Variants in ABCA7 observed in about 807,000 individuals in gnomAD.
ABCA7 encodes the protein ATP binding cassette subfamily A member 7.
In ABCA7, 261 loss-of-function variants were observed where a neutral mutation model predicts 227.6. The observed-to-expected ratio is 1.15, with a 90% CI of 1.04 to 1.27. ABCA7 has a LOEUF of 1.27. ABCA7 is among the 50% of genes most tolerant of loss of function. The probability of loss-of-function intolerance (pLI) is 0.00; values close to 1 mark genes in which losing one functional copy is unlikely to be tolerated. For synonymous variants in ABCA7, 1,488 were observed against 1,279.7 expected (o/e 1.16, Z -3.47); for missense variants, 3,331 against 2,924.5 (o/e 1.14, Z -3.21).
chr19:1,044,543 G>T, intron 10 of ABCA7, 34 bp from the exon 11 acceptor site: 1 of 1,595,624 alleles, frequency 6.3e-7, no homozygotes, highest in South Asian at 1.1e-5. Flanking sequence ...CACTGTGCCC[G>T]ACCCAGACTC....
At chr19:1,060,207 A>ATATATATATTTTTTTTTT in intron 40 of ABCA7, among the ~76,000 whole-genome samples, 2 of 96,770 alleles carry the variant, frequency 2.1e-5, no homozygotes, top group African/African-American at 7.0e-5. Flanking sequence ...ATATATATAT[A>ATATATATATTTTTTTTTT]TTTTTTTTTC....
intron 6 of ABCA7, 163 bp downstream of exon 6, chr19:1,042,560 T>A (rs768453311): frequency 2.9e-6 from 3 of 1,048,484 alleles, no homozygotes. Flanking sequence ...AGACAGAGTG[T>A]GTCTGACCCA....
rs1467297585 is a variant in ABCA7, at chr19:1,065,499, G to A, written c.*74G>A. ...CAAGGTAGAGTGCCTAGGAGCCCTGGACTCAGGCTGGCAGAGGGGCTGGTG... is the reference window on the plus strand; with the variant it reads ...CAAGGTAGAGTGCCTAGGAGCCCTGAACTCAGGCTGGCAGAGGGGCTGGTG... On this transcript the variant is annotated 3_prime_UTR_variant, in exon 47 of 47. Coordinates refer to ENST00000263094, the MANE Select transcript of ABCA7 (RefSeq NM_019112.4). 5.2e-6 allele frequency: 8 copies of A among 1,537,654 alleles called. No individual in the cohort carries two copies. Among genetic ancestry groups the A allele is most frequent in the Admixed American group, 1.9e-5 (1 of 53,334 alleles).
In ABCA7 at chr19:1,054,813, G is replaced by A; in HGVS notation, c.3885G>A (p.Arg1295=). 6.3e-7 allele frequency: 1 copy of A among 1,580,730 alleles called. No homozygotes were observed. Among genetic ancestry groups the A allele is most frequent in the Non-Finnish European group, 8.6e-7 (1 of 1,164,108 alleles). The stretch of plus-strand genomic sequence containing the variant: ...CCCCAGGGGACCCTGGACGTGCCCG[G>A]CTGCTCGAGGCGCTGCTGCAGGAGG... ...EDAPGDPGRA[R]LLEALLQEAG... The change falls in exon 29 of 47, where the codon CGG becomes CGA. Residue 1295 remains arginine (R), a synonymous_variant. Coordinates refer to ENST00000263094, the MANE Select transcript of ABCA7 (RefSeq NM_019112.4). This position sits in a 1 kb window ranked among gnomAD's most constrained non-coding sequence, Gnocchi z 4.8.
At chr19:1,044,162 G>C (rs1431646250) in intron 10 of ABCA7, among the ~76,000 whole-genome samples, 1 of 149,036 alleles carries the variant, frequency 6.7e-6, no homozygotes, top group Non-Finnish European at 1.5e-5. Flanking sequence ...GGATGGTCTC[G>C]ATCTCCTGAC....
chr19:1,045,408 G>T, intron 12 of ABCA7, 177 bp downstream of exon 12: 1 of 667,012 alleles, frequency 1.5e-6, no homozygotes, highest in Middle Eastern at 4.2e-4. Flanking sequence ...CCCGTGATGG[G>T]CGGGGCCTAG....
At chr19:1,050,864 CTG>C in intron 18 of ABCA7, 55 bp from the exon 19 acceptor site, 1 of 1,317,706 alleles carries the variant, frequency 7.6e-7, no homozygotes, top group Non-Finnish European at 9.8e-7. Flanking sequence ...AATAGAAGCT[CTG>C]TAACTGCCAG....
At position 1,047,525 on chromosome 19, in the gene ABCA7, G is replaced by A. The variant is rs201343897; in HGVS notation, c.2140G>A (p.Ala714Thr). The stretch of plus-strand genomic sequence containing the variant: ...TCTGCTGGAGGAGCAGGGCGAGGGC[G>A]CGCAGTGGCACAACGTGGGCACCCG... The part of the protein sequence containing the change: ...LALLEEQGEG[A>T]QWHNVGTRPT... The change falls in exon 16 of 47, where the codon GCG becomes ACG. Residue 714 changes from alanine (A) to threonine (T), a missense_variant. Transcript: ENST00000263094. The A allele has an allele frequency of 6.3e-5, 101 of 1,593,610 alleles. No homozygotes were observed. In the African/African-American group the frequency reaches 1.1e-3, roughly 18 times the overall value.
chr19:1,064,749 T>A, intron 45 of ABCA7, 182 bp from the exon 46 acceptor site: 1 of 964,674 alleles, frequency 1.0e-6, no homozygotes, highest in Non-Finnish European at 1.4e-6. Flanking sequence ...GACATGGTGG[T>A]GTGTGCCTGT....
At chr19:1,058,310 C>A in intron 37 of ABCA7, 41 bp downstream of exon 37, 10 of 1,609,024 alleles carry the variant, frequency 6.2e-6, no homozygotes, top group Non-Finnish European at 8.5e-6. Flanking sequence ...CTACAGATAG[C>A]TAGCACCCTT....
At position 1,054,777 on chromosome 19, in the gene ABCA7, C is replaced by T; in HGVS notation, c.3852-3C>T. ...CTGACCCTACATCTCCCCTCACACA[C>T]AGTGAGGACGCCCCAGGGGACCCTG... is the stretch of plus-strand genomic sequence containing the variant. On this transcript the variant is annotated splice_polypyrimidine_tract_variant and splice_region_variant and intron_variant, in intron 28 of 46. Transcript: ENST00000263094. This position sits in a 1 kb window ranked among gnomAD's most constrained non-coding sequence, Gnocchi z 4.8. 1.9e-6 allele frequency: 3 copies of T among 1,604,570 alleles called. No individual in the cohort carries two copies. Among genetic ancestry groups the T allele is most frequent in the Non-Finnish European group, 2.6e-6 (3 of 1,176,038 alleles).
rs749683431 is a variant in ABCA7, at chr19:1,043,241, C to T, written c.780C>T (p.Asp260=). Residue 260 remains aspartate (D), a synonymous_variant, in exon 8 of 47, where the codon GAC becomes GAT. Transcript: ENST00000263094. ...VGQEPESALP[D]SSLSPACSEL... ...AGGAGCCAGAATCCGCCCTGCCAGA[C>T]AGCAGCCTGAGTGAGTGACTGACCT... is the stretch of plus-strand genomic sequence containing the variant. 1 of 1,607,354 alleles carries T rather than the reference C, an allele frequency of 6.2e-7. No individual in the cohort carries two copies. The highest frequency in any genetic ancestry group is 8.5e-7 in the Non-Finnish European group (1 of 1,175,510).
Position 1,056,767 on chromosome 19 carries a change from C to T in ABCA7, c.4587-140C>T. ...CCTCTGCTGCCAAATCCCAGGCACC[C>T]TCATCCCTAAATTGCCCCTGCCATC... is the stretch of plus-strand genomic sequence containing the variant. On this transcript the variant is annotated intron_variant, in intron 33 of 46. Coordinates refer to ENST00000263094, the MANE Select transcript of ABCA7 (RefSeq NM_019112.4). This position sits in a 1 kb window ranked among gnomAD's most constrained non-coding sequence, Gnocchi z 4.3. The T allele has an allele frequency of 2.9e-6, 3 of 1,033,258 alleles. No homozygotes were observed. The highest frequency in any genetic ancestry group is 2.4e-5 in the East Asian group (1 of 41,886). The allele number at this position is 1,033,258 out of a possible 1,614,324, so 64.0% of individuals were successfully genotyped here.
chr19:1,044,510 G>A, intron 10 of ABCA7, 67 bp from the exon 11 acceptor site: 3 of 1,546,990 alleles, frequency 1.9e-6, no homozygotes, highest in Non-Finnish European at 2.6e-6. Context: ...GCCTCCCAAA[G>A]TGCTGGGATT....
At chr19:1,059,157 C>G (rs1175871667) in intron 40 of ABCA7, 72 bp downstream of exon 40, 47 of 1,529,550 alleles carry the variant, frequency 3.1e-5, no homozygotes, top group Non-Finnish European at 4.1e-5. Context: ...GCCCATCATC[C>G]TTTACTGAAC....
chr19:1,045,945 T>G (rs1599579780), intron 12 of ABCA7, among the ~76,000 whole-genome samples: 1 of 152,146 alleles, frequency 6.6e-6, no homozygotes, highest in Admixed American at 6.5e-5. Flanking sequence ...AGGCGGAGGT[T>G]GCAGTGAGCC....
intron 35 of ABCA7, among the ~76,000 whole-genome samples, chr19:1,057,710 G>T (rs971014839): frequency 6.6e-6 from 1 of 151,202 alleles, no homozygotes; most frequent in African/African-American, 2.4e-5. Flanking sequence ...TTTGAGACCA[G>T]CCTGGGAAAC....
Position 1,065,060 on chromosome 19 carries a change from G to C in ABCA7, c.6174G>C (p.Gln2058His). Reference sequence around the variant, plus strand: ...CACATGGAGGCCGCCTGCGCTTCCAGCTGCCGCCGGGAGGGCGCTGCGCCC... The same window carrying C: ...CACATGGAGGCCGCCTGCGCTTCCACCTGCCGCCGGGAGGGCGCTGCGCCC... ...REAHGGRLRF[Q>H]LPPGGRCALA... Residue 2058 changes from glutamine to histidine, a missense_variant, in exon 46 of 47, where the codon CAG becomes CAC. Gln to His is a conservative substitution (Grantham distance 24). Transcript: ENST00000263094. 6.4e-7 allele frequency: 1 copy of C among 1,561,904 alleles called. No homozygotes were observed. Among genetic ancestry groups the C allele is most frequent in the Non-Finnish European group, 8.7e-7 (1 of 1,154,942 alleles).
chr19:1,063,521 C>G, intron 42 of ABCA7, 23 bp from the exon 43 acceptor site: 4 of 1,607,960 alleles, frequency 2.5e-6, no homozygotes, highest in Non-Finnish European at 3.4e-6. Flanking sequence ...AGTCCCCATG[C>G]CTACTCTGGC....
Sources: gnomAD v4.1 joint callset for allele counts (sites outside exome capture counted in the v4.1 genomes callset) on GRCh38, gnomAD v4.1.1 for gene constraint, Gnocchi (gnomAD v3.1) non-coding constraint, MANE v1.5 for transcripts, NCBI Gene and HGNC (gene_info 2026-07-23, HGNC 2026-07-21) for gene names.